The following ZNF717 variants were observed in gnomAD, a reference collection of about 807,000 sequenced individuals.
The protein encoded by ZNF717 is zinc finger protein 717.
In ZNF717, 9 loss-of-function variants were observed where a neutral mutation model predicts 13.8. The observed-to-expected ratio is 0.65, with a 90% CI of 0.39 to 1.14. The LOEUF (loss-of-function observed/expected upper bound fraction) is 1.14, where lower values mean the gene tolerates loss of function less well. ZNF717 is among the 50% of genes most tolerant of loss of function. The probability of loss-of-function intolerance (pLI) is 0.01; values close to 1 mark genes in which losing one functional copy is unlikely to be tolerated. For missense variants in ZNF717, 1,040 were observed against 1,080.7 expected (o/e 0.96, Z 0.53); for synonymous variants, 327 against 364.1 (o/e 0.90, Z 1.16).
intron 6 of ZNF717, among the ~76,000 whole-genome samples, chr3:75,696,866 C>T (rs1937609304): frequency 7.1e-6 from 1 of 141,344 alleles, no homozygotes; most frequent in Non-Finnish European, 1.5e-5. Context: ...GCACTCCAAC[C>T]TGGGTGACAG....
chr3:75,694,813 G>GGTAATTTCA (rs1937588230), intron 6 of ZNF717, among the ~76,000 whole-genome samples: 1 of 152,058 alleles, frequency 6.6e-6, no homozygotes, highest in African/African-American at 2.4e-5. Context: ...CAAGCCTCAT[G>GGTAATTTCA]GTAATTTCAA....
Position 75,737,501 on chromosome 3 carries a change from C to T in ZNF717, c.2122G>A (p.Val708Met), listed in dbSNP as rs774269820. Residue 708 changes from valine (V) to methionine (M), a missense_variant, in exon 5 of 5, where the codon GTG (valine) becomes ATG (methionine). By Grantham distance (21) the Val-to-Met change is conservative. This residue lies in a region of ZNF717 where 873 missense variants were observed against 832.8 expected (regional missense o/e 1.05). Coordinates refer to ENST00000652011, the MANE Select transcript of ZNF717 (RefSeq NM_001290208.3). ...PGKSPMNVMN[V>M]ENPFIRRQIF... is the part of the protein sequence containing the mutation. ...TGCCTTCTGATGAAAGGATTTTCCACATTCATTACATTCATAGGGCTTTTC... is the reference window on the plus strand; with the variant it reads ...TGCCTTCTGATGAAAGGATTTTCCATATTCATTACATTCATAGGGCTTTTC... The T allele has an allele frequency of 5.7e-5, 88 of 1,554,070 alleles. No homozygotes were observed. The highest frequency in any genetic ancestry group is 7.2e-5 in the Non-Finnish European group (83 of 1,148,446).
At chr3:75,760,818 A>C (rs989985967) in intron 2 of ZNF717, among the ~76,000 whole-genome samples, 3 of 152,130 alleles carry the variant, frequency 2.0e-5, no homozygotes, top group African/African-American at 7.2e-5. Flanking sequence ...AGAGATAAGC[A>C]GAATAAGACC....
At chr3:75,747,620 C>T (rs1941299566) in intron 2 of ZNF717, among the ~76,000 whole-genome samples, 2 of 152,102 alleles carry the variant, frequency 1.3e-5, no homozygotes, top group Non-Finnish European at 2.9e-5. Context: ...CTCTTTGAAG[C>T]AAATTTGAAT....
intron 5 of ZNF717, among the ~76,000 whole-genome samples, chr3:75,714,574 C>T (rs1385240261): frequency 6.6e-6 from 1 of 151,948 alleles, no homozygotes; most frequent in Non-Finnish European, 1.5e-5. Flanking sequence ...CTTTATTACA[C>T]TGGAACAGCT....
chr3:75,706,991 C>G (rs1937815657), downstream of ZNF717, among the ~76,000 whole-genome samples: 10 of 152,242 alleles, frequency 6.6e-5, no homozygotes. Context: ...CTCAGAAGAC[C>G]AAGTCATGGT....
chr3:75,760,391 A>G (rs1276065598), intron 2 of ZNF717, among the ~76,000 whole-genome samples: 7 of 152,264 alleles, frequency 4.6e-5, no homozygotes, highest in Non-Finnish European at 1.0e-4. Flanking sequence ...AATGCTTAAA[A>G]TATTATAAAA....
intron 2 of ZNF717, among the ~76,000 whole-genome samples, chr3:75,747,019 C>A (rs1376143400): frequency 2.0e-5 from 3 of 152,030 alleles, no homozygotes; most frequent in African/African-American, 7.2e-5. Context: ...AGTCTTTAAT[C>A]CATGTTGAAT....
intron 2 of ZNF717, among the ~76,000 whole-genome samples, chr3:75,756,620 T>C (rs1419521599): frequency 2.0e-5 from 3 of 151,934 alleles, no homozygotes; most frequent in Non-Finnish European, 2.9e-5. Flanking sequence ...TTGGTCTAGA[T>C]AGAAGATTTA....
At chr3:75,707,678 G>T (rs1937833914), downstream of ZNF717, among the ~76,000 whole-genome samples, 1 of 152,188 alleles carries the variant, frequency 6.6e-6, no homozygotes, top group East Asian at 1.9e-4. Flanking sequence ...AGCTCACGGG[G>T]TCAGGGAGTT....
chr3:75,711,726 T>C (rs1402545440), intron 5 of ZNF717, among the ~76,000 whole-genome samples: 1 of 152,210 alleles, frequency 6.6e-6, no homozygotes, highest in Non-Finnish European at 1.5e-5. Context: ...TATACCAGCT[T>C]GGGCAACAGA....
At chr3:75,730,451 T>C (rs75952318) in exon 6 of ZNF717, 13 of 529,654 alleles carry the variant, frequency 2.5e-5, no homozygotes, top group Non-Finnish European at 4.0e-5. Flanking sequence ...TGATCACAGC[T>C]AGTTTGTTAC....
chr3:75,769,139 C>G (rs1416734094), intron 2 of ZNF717, among the ~76,000 whole-genome samples: 5 of 152,258 alleles, frequency 3.3e-5, no homozygotes, highest in Admixed American at 1.3e-4. Flanking sequence ...CGTGGCTGGT[C>G]TCAGTGATGA....
At position 75,739,009 on chromosome 3, in the gene ZNF717, A is replaced by G. The variant is rs1409482258; in HGVS notation, c.614T>C (p.Leu205Pro). ...HLTQHHKIQT[L>P]LQTFQCNEQG... ...TTCATTACATTGAAAAGTCTGCAGCAGAGTTTGAATCTTGTGATGCTGAGT... is the reference window on the plus strand; with the variant it reads ...TTCATTACATTGAAAAGTCTGCAGCGGAGTTTGAATCTTGTGATGCTGAGT... The change falls in exon 5 of 5, where the codon CTG becomes CCG. Residue 205 changes from leucine to proline, a missense_variant. Coordinates refer to ENST00000652011, the MANE Select transcript of ZNF717 (RefSeq NM_001290208.3). The G allele has an allele frequency of 6.4e-7, 1 of 1,551,462 alleles. No homozygotes were observed. The highest frequency in any genetic ancestry group is 1.4e-5 in the African/African-American group (1 of 73,052).
At chr3:75,756,096 C>A (rs767359928) in intron 2 of ZNF717, among the ~76,000 whole-genome samples, 40 of 152,140 alleles carry the variant, frequency 2.6e-4, no homozygotes, top group African/African-American at 9.4e-4. Flanking sequence ...GCTCACTTCA[C>A]GTCTCTGTCA....
Position 75,737,269 on chromosome 3 carries a change from G to T in ZNF717, c.2354C>A (p.Pro785His), listed in dbSNP as rs1939422428. 1 of 1,552,688 alleles carries T rather than the reference G, an allele frequency of 6.4e-7. No individual in the cohort carries two copies. Among genetic ancestry groups the T allele is most frequent in the South Asian group, 1.2e-5 (1 of 84,132 alleles). ...THQGTHSGEK[P>H]YECDECRKTF... is the part of the protein sequence containing the mutation. ...TTTCCTACATTCATCACATTCATAG[G>T]GTTTCTCTCCTGAGTGAGTCCCCTG... The change falls in exon 5 of 5, where the codon CCC becomes CAC. Residue 785 changes from proline (P) to histidine (H), a missense_variant. By Grantham distance (77) the Pro-to-His change is moderately conservative. Coordinates refer to ENST00000652011, the MANE Select transcript of ZNF717 (RefSeq NM_001290208.3).
At chr3:75,780,593 G>A (rs78718873) in intron 2 of ZNF717, among the ~76,000 whole-genome samples, 2 of 109,732 alleles carry the variant, frequency 1.8e-5, no homozygotes, top group African/African-American at 6.8e-5. Flanking sequence ...GTAGAGACGG[G>A]GTTTCACCGT....
chr3:75,757,522 C>G (rs1480431602), intron 2 of ZNF717, among the ~76,000 whole-genome samples: 3 of 152,168 alleles, frequency 2.0e-5, no homozygotes, highest in Non-Finnish European at 4.4e-5. Flanking sequence ...CAAAGTATTA[C>G]CGCTCAATGA....
intron 2 of ZNF717, among the ~76,000 whole-genome samples, chr3:75,781,742 G>C (rs62269678): frequency 0.17 from 25,351 of 152,036 alleles, 2,092 homozygotes; most frequent in African/African-American, 0.18. Context: ...ATAAAGCGCT[G>C]AGGCAAGTGA....
Sources: gnomAD v4.1 joint callset for allele counts (sites outside exome capture counted in the v4.1 genomes callset) on GRCh38, gnomAD v4.1.1 for gene constraint, gnomAD v4.1.1 regional missense constraint, MANE v1.5 for transcripts, NCBI Gene and HGNC (gene_info 2026-07-23, HGNC 2026-07-21) for gene names.